Variants in RP1 observed in about 807,000 individuals in gnomAD.
RP1 encodes the protein RP1 axonemal microtubule associated, also known as oxygen-regulated protein 1.
In RP1, 16 loss-of-function variants were observed where a neutral mutation model predicts 14.8. The ratio of observed to expected loss-of-function variants is 1.08; its 90% CI spans 0.73 to 1.65. The LOEUF is 1.65. Among genes scored for constraint, RP1 ranks in the 40% most tolerant of loss-of-function variants. The probability of loss-of-function intolerance (pLI) is 0.00; values close to 1 mark genes in which losing one functional copy is unlikely to be tolerated. For synonymous variants in RP1, 876 were observed against 883.6 expected (o/e 0.99, Z 0.15); for missense variants, 2,631 against 2,535.0 (o/e 1.04, Z -0.81).
upstream of RP1, among the ~76,000 whole-genome samples, chr8:54,614,247 C>T (rs1055647559): frequency 3.3e-5 from 5 of 152,202 alleles, no homozygotes; most frequent in South Asian, 8.3e-4. Context: ...TCTGGCCACT[C>T]TAACAGCAGT....
Position 54,622,235 on chromosome 8 carries a change from G to A in RP1, c.734G>A (p.Gly245Glu). 1 of 1,614,070 alleles carries A rather than the reference G, an allele frequency of 6.2e-7. No homozygotes were observed. Among genetic ancestry groups the A allele is most frequent in the East Asian group, 2.2e-5 (1 of 44,874 alleles). ...TACTTGCTTCCTGCTAGATTACCAG[G>A]GATCTCTCAGCGTGTGTACCCCAAG... ...QKYLLPARLP[G>E]ISQRVYPKGN... The change falls in exon 3 of 4, where the codon GGG (glycine) becomes GAG (glutamate). Residue 245 changes from glycine to glutamate, a missense_variant. Gly to Glu is a moderately conservative substitution (Grantham distance 98). Transcript: ENST00000220676.
exon 24 of RP1, chr8:54,783,578 G>A: frequency 8.1e-7 from 1 of 1,231,594 alleles, no homozygotes; most frequent in Non-Finnish European, 1.0e-6. Context: ...TTGTCACTGG[G>A]GATCTTGAAA....
chr8:54,771,085 G>A (rs1173329810), downstream of RP1, among the ~76,000 whole-genome samples: 2 of 152,004 alleles, frequency 1.3e-5, no homozygotes, highest in African/African-American at 4.8e-5. Flanking sequence ...GACATAAACA[G>A]TTCAAGCTTA....
At chr8:54,604,794 C>A (rs1045154092) in intron 1 of RP1, among the ~76,000 whole-genome samples, 4 of 152,140 alleles carry the variant, frequency 2.6e-5, no homozygotes, top group Non-Finnish European at 5.9e-5. Flanking sequence ...GGAATTTATC[C>A]ATTTCTTCTA....
intron 13 of RP1, among the ~76,000 whole-genome samples, chr8:54,700,000 A>G (rs1245911979): frequency 6.6e-6 from 1 of 152,140 alleles, no homozygotes; most frequent in Non-Finnish European, 1.5e-5. Flanking sequence ...CACTGTTTTA[A>G]GTGCTTAATA....
chr8:54,775,162 G>C (rs954969933), intron 23 of RP1, among the ~76,000 whole-genome samples: 1 of 152,130 alleles, frequency 6.6e-6, no homozygotes, highest in Non-Finnish European at 1.5e-5. Flanking sequence ...GAAAATAGTG[G>C]TTCTGCTGCA....
Position 54,706,736 on chromosome 8 carries a change from G to A in RP1, c.2211+81G>A, listed in dbSNP as rs931205307. ...GACATGAGAATAGCACTTTCTGAGT[G>A]GGTTTTGGAAATTGAATGTTACATG... On this transcript the variant is annotated intron_variant, in intron 15 of 22. Coordinates refer to the RP1 transcript ENST00000636932. The A allele has an allele frequency of 1.1e-5, 16 of 1,415,546 alleles. No individual in the cohort carries two copies. In the African/African-American group the frequency reaches 2.3e-4, roughly 20 times the overall value. The allele number at this position is 1,415,546 out of a possible 1,614,324, so 87.7% of individuals were successfully genotyped here. A position where few individuals can be genotyped will look rare whatever the true frequency, so the allele number is the denominator to read the frequency against.
At chr8:54,805,819 T>C (rs572131934) in intron 24 of RP1, among the ~76,000 whole-genome samples, 5 of 152,140 alleles carry the variant, frequency 3.3e-5, no homozygotes, top group African/African-American at 1.2e-4. Flanking sequence ...ATATGGCATC[T>C]GAAACTTTGT....
Position 54,628,768 on chromosome 8 carries a change from A to G in RP1, c.4886A>G (p.Lys1629Arg), listed in dbSNP as rs918823040. 4 of 1,614,120 alleles carry G rather than the reference A, an allele frequency of 2.5e-6. No homozygotes were observed. The highest frequency in any genetic ancestry group is 1.3e-5 in the African/African-American group (1 of 75,056). ...AAAGAATATAACATAGGATTTGTTA[A>G]AAGGGCAATAGAAAAACTGTACGGT... ...QEKEYNIGFV[K>R]RAIEKLYGKA... Residue 1629 changes from lysine to arginine, a missense_variant, in exon 4 of 4, where the codon AAA becomes AGA. Coordinates refer to ENST00000220676, the MANE Select transcript of RP1 (RefSeq NM_006269.2).
intron 4 of RP1, chr8:54,649,172 A>G (rs1335095221): frequency 6.9e-7 from 1 of 1,450,574 alleles, no homozygotes; most frequent in Admixed American, 2.9e-5. Context: ...CTGAGTATAA[A>G]CTGTTAATAT....
At chr8:54,726,653 T>C (rs1450101385) in intron 17 of RP1, among the ~76,000 whole-genome samples, 1 of 152,132 alleles carries the variant, frequency 6.6e-6, no homozygotes, top group Non-Finnish European at 1.5e-5. Flanking sequence ...TTATAAAGAA[T>C]ACATATATTT....
rs375960524 is a variant in RP1 at position 54,776,304 on chromosome 8, G to A, written c.3451+6137G>A. Among the ~76,000 whole-genome samples the A allele has an allele frequency of 2.3e-4, 35 of 152,168 alleles. No homozygotes were observed. In the South Asian group the frequency reaches 7.1e-3, roughly 31 times the overall value. On this transcript the variant is annotated intron_variant, in intron 23 of 28. Transcript: ENST00000637698. ...GCAGCCTTGACCTCTTGGCCTCAAG[G>A]GATCCTCCTACCTCGGCTTCCTGAG... is the stretch of plus-strand genomic sequence containing the variant.
intron 1 of RP1, among the ~76,000 whole-genome samples, chr8:54,576,152 C>T (rs889677044): frequency 6.6e-6 from 1 of 152,030 alleles, no homozygotes; most frequent in East Asian, 1.9e-4. Context: ...GCCATTCTCC[C>T]GCCTCAGCCT....
At position 54,679,693 on chromosome 8, in the gene RP1, TAAAAC is replaced by T. The variant is rs1807380565; in HGVS notation, c.1587+73_1587+77del. ...ATGTTCAAATGACTATTTGATGTGT[TAAAAC>T]AAAACAGCCTATAGAGTTTAGTAAG... is the stretch of plus-strand genomic sequence containing the variant. On this transcript the variant is annotated intron_variant, in intron 11 of 22. Transcript: ENST00000636932. The T allele has an allele frequency of 1.1e-5, 17 of 1,527,388 alleles. No individual in the cohort carries two copies. The South Asian group carries it at 1.6e-4, about 14-fold the overall frequency. The allele number at this position is 1,527,388 out of a possible 1,614,324, so 94.6% of individuals were successfully genotyped here. A position where few individuals can be genotyped will look rare whatever the true frequency, so the allele number is the denominator to read the frequency against.
chr8:54,726,979 T>C (rs942195660), intron 17 of RP1, among the ~76,000 whole-genome samples: 6 of 152,088 alleles, frequency 3.9e-5, no homozygotes, highest in Non-Finnish European at 8.8e-5. Flanking sequence ...GAAAGTATAA[T>C]ATATGATATC....
At chr8:54,670,149 G>T (rs1051153003) in intron 7 of RP1, among the ~76,000 whole-genome samples, 20 of 151,966 alleles carry the variant, frequency 1.3e-4, no homozygotes, top group African/African-American at 2.4e-5. Context: ...GATTGGAAAA[G>T]ATACTTTATA....
intron 24 of RP1, among the ~76,000 whole-genome samples, chr8:54,794,026 T>C (rs1810526419): frequency 6.6e-6 from 1 of 151,768 alleles, no homozygotes; most frequent in Non-Finnish European, 1.5e-5. Context: ...ATCTCTACAC[T>C]TAAAAAAATA....
chr8:54,831,367 C>T (rs1811519737), intron 24 of RP1, among the ~76,000 whole-genome samples: 1 of 132,684 alleles, frequency 7.5e-6, no homozygotes. Flanking sequence ...TTTGTTTCTC[C>T]TTTCTTTCTC....
Position 54,769,701 on chromosome 8 carries a change from T to G in RP1, c.3249-40T>G. Reference sequence around the variant, plus strand: ...TCAGAAATTAATTTTCTCTCTATTTTCTCCTCTCTCTTTCTTTCTCTCTCT... The same window carrying G: ...TCAGAAATTAATTTTCTCTCTATTTGCTCCTCTCTCTTTCTTTCTCTCTCT... On this transcript the variant is annotated intron_variant, in intron 22 of 22. Transcript: ENST00000636932. 2.3e-6 allele frequency: 3 copies of G among 1,280,330 alleles called. No individual in the cohort carries two copies. In the African/African-American group the frequency reaches 4.5e-5, roughly 19 times the overall value. The allele number at this position is 1,280,330 out of a possible 1,614,324, so 79.3% of individuals were successfully genotyped here.
Sources: allele counts gnomAD v4.1 joint callset (sites outside exome capture counted in the v4.1 genomes callset), GRCh38; gene constraint gnomAD v4.1.1; transcripts MANE v1.5; gene names NCBI Gene and HGNC (gene_info 2026-07-23, HGNC 2026-07-21).